Variants in SNTA1 observed in about 807,000 individuals in gnomAD.
SNTA1 encodes syntrophin alpha 1.
In SNTA1, 31 loss-of-function variants were observed where a neutral mutation model predicts 47.1. That is an observed-to-expected ratio of 0.66 (90% CI 0.49 to 0.89). The LOEUF (loss-of-function observed/expected upper bound fraction) is 0.89, where lower values mean the gene tolerates loss of function less well. Among genes scored for constraint, SNTA1 ranks in the 40% least tolerant of loss-of-function variants. SNTA1 has a pLI of 0.00. For synonymous variants in SNTA1, 300 were observed against 313.6 expected, an observed-to-expected ratio of 0.96 and a Z score of 0.46; for missense variants, 575 against 693.0, an observed-to-expected ratio of 0.83 and a Z score of 1.91.
At chr20:33,440,131 G>A (rs927637806) in intron 1 of SNTA1, among the ~76,000 whole-genome samples, 1 of 151,124 alleles carries the variant, frequency 6.6e-6, no homozygotes, top group Non-Finnish European at 1.5e-5. Flanking sequence ...GCTCAAAAAA[G>A]TAAATAAATA....
intron 2 of SNTA1, among the ~76,000 whole-genome samples, chr20:33,435,079 G>T (rs1990407439): frequency 7.7e-6 from 1 of 130,142 alleles, no homozygotes; most frequent in Non-Finnish European, 1.6e-5. Flanking sequence ...TGCAACCTCC[G>T]CCTCCCGTGT....
At chr20:33,433,552 T>A (rs1906795603) in intron 2 of SNTA1, among the ~76,000 whole-genome samples, 1 of 151,926 alleles carries the variant, frequency 6.6e-6, no homozygotes, top group South Asian at 2.1e-4. Flanking sequence ...CAGGCATGAG[T>A]CACCGCGCCC....
intron 2 of SNTA1, among the ~76,000 whole-genome samples, chr20:33,426,806 C>T (rs1409270681): frequency 6.6e-6 from 1 of 151,622 alleles, no homozygotes; most frequent in East Asian, 1.9e-4. Flanking sequence ...GTGGCTCACA[C>T]CTGTGAGCAC....
chr20:33,412,955 G>A (rs1236295903), intron 3 of SNTA1, among the ~76,000 whole-genome samples, 173 bp from the exon 4 acceptor site: 1 of 152,150 alleles, frequency 6.6e-6, no homozygotes, highest in Non-Finnish European at 1.5e-5. Flanking sequence ...GGGGCTTCAT[G>A]GGGCATAGGA....
At chr20:33,433,270 CT>C (rs921972864) in intron 2 of SNTA1, among the ~76,000 whole-genome samples, 3 of 144,554 alleles carry the variant, frequency 2.1e-5, no homozygotes, top group Non-Finnish European at 1.5e-5. Context: ...TTTCTTTTTT[CT>C]TTTTTTTTTG....
chr20:33,421,189 A>C (rs1242515166), intron 2 of SNTA1, among the ~76,000 whole-genome samples: 3 of 151,114 alleles, frequency 2.0e-5, no homozygotes, highest in African/African-American at 7.3e-5. Flanking sequence ...AAAAAAAGAG[A>C]AAGAAAGAAA....
intron 2 of SNTA1, among the ~76,000 whole-genome samples, chr20:33,427,090 AAAAT>A (rs969103811): frequency 4.0e-5 from 6 of 151,880 alleles, no homozygotes; most frequent in South Asian, 2.1e-4. Flanking sequence ...AGCCAATTTA[AAAAT>A]AAATAAATAA....
chr20:33,424,564 A>T (rs1376550494), intron 2 of SNTA1, among the ~76,000 whole-genome samples: 1 of 151,792 alleles, frequency 6.6e-6, no homozygotes, highest in East Asian at 2.0e-4. Flanking sequence ...CCCAGGCTGG[A>T]GTGCGGTGGT....
chr20:33,426,170 C>T (rs1466567397), intron 2 of SNTA1, among the ~76,000 whole-genome samples: 1 of 151,888 alleles, frequency 6.6e-6, no homozygotes. Context: ...TCAGCTGGGC[C>T]AGGCGCAGTG....
intron 2 of SNTA1, among the ~76,000 whole-genome samples, chr20:33,432,416 T>C (rs1321622152): frequency 6.6e-6 from 1 of 152,048 alleles, no homozygotes; most frequent in African/African-American, 2.4e-5. Context: ...CAACAGCAAT[T>C]GAAAAGGTGA....
chr20:33,437,565 G>A (rs1010723742), intron 2 of SNTA1, among the ~76,000 whole-genome samples: 17 of 151,598 alleles, frequency 1.1e-4, no homozygotes, highest in Admixed American at 1.3e-4. Flanking sequence ...ACCAAGGACC[G>A]AGAACCTATT....
chr20:33,426,157 G>C (rs957699236), intron 2 of SNTA1, among the ~76,000 whole-genome samples: 12 of 151,824 alleles, frequency 7.9e-5, no homozygotes, highest in African/African-American at 2.9e-4. Flanking sequence ...GGTATTAAAA[G>C]ATTCAGCTGG....
Position 33,408,376 on chromosome 20 carries a change from T to C in SNTA1, c.*131A>G. The C allele has an allele frequency of 1.4e-6, 1 of 726,490 alleles. No individual in the cohort carries two copies. The highest frequency in any genetic ancestry group is 2.0e-5 in the Admixed American group (1 of 49,864). The allele number at this position is 726,490 out of a possible 1,614,324, so 45.0% of individuals were successfully genotyped here. A position where few individuals can be genotyped will look rare whatever the true frequency, so the allele number is the denominator to read the frequency against. ...AAGACCAATCCAGTCTCCCTCAGGGTTGGGGTTTCGGAGGCCCTTGTTCCT... is the reference window on the plus strand; with the variant it reads ...AAGACCAATCCAGTCTCCCTCAGGGCTGGGGTTTCGGAGGCCCTTGTTCCT... On this transcript the variant is annotated 3_prime_UTR_variant, in exon 8 of 8. Coordinates refer to ENST00000217381, the MANE Select transcript of SNTA1 (RefSeq NM_003098.3).
chr20:33,410,795 G>C (rs2146758878), intron 5 of SNTA1, among the ~76,000 whole-genome samples: 1 of 152,298 alleles, frequency 6.6e-6, no homozygotes, highest in African/African-American at 2.4e-5. Flanking sequence ...GTTTTTGACT[G>C]TCTTTTTCAC....
intron 3 of SNTA1, among the ~76,000 whole-genome samples, chr20:33,414,410 G>A (rs1989825658): frequency 2.0e-5 from 3 of 151,744 alleles, no homozygotes; most frequent in South Asian, 4.2e-4. Context: ...CTAGCCAACA[G>A]GGCAAAACCC....
chr20:33,408,511 G>A lies in SNTA1; in HGVS notation c.1514C>T (p.Ala505Val). 6.2e-7 allele frequency: 1 copy of A among 1,612,930 alleles called. No homozygotes were observed. Among genetic ancestry groups the A allele is most frequent in the Non-Finnish European group, 8.5e-7 (1 of 1,178,894 alleles). ...GGCTAGTGCATCCGGCGACTTCTAG[G>A]CCAACAGCCCGAGGCGGGTGACTTT... is the stretch of plus-strand genomic sequence containing the variant. The part of the protein sequence containing the change: ...SAKVTRLGLL[A>V] Residue 505 changes from alanine to valine, a missense_variant, in exon 8 of 8, where the codon GCC becomes GTC. Ala to Val is a moderately conservative substitution (Grantham distance 64). Transcript: ENST00000217381.
rs757223303 is a variant in SNTA1 at position 33,439,068 on chromosome 20, C to T, written c.311-42G>A. The stretch of plus-strand genomic sequence containing the variant: ...GGAGGACAAGACTTAGGCAGATACT[C>T]CAACACTTGGGAGTCACATCAAGAC... On this transcript the variant is annotated intron_variant, in intron 1 of 7. Transcript: ENST00000217381. 3 of 1,556,470 alleles carry T rather than the reference C, an allele frequency of 1.9e-6. No individual in the cohort carries two copies. In the Admixed American group the frequency reaches 5.0e-5, roughly 26 times the overall value.
intron 5 of SNTA1, among the ~76,000 whole-genome samples, chr20:33,411,620 G>C (rs1249554144): frequency 6.6e-6 from 1 of 152,086 alleles, no homozygotes; most frequent in Non-Finnish European, 1.5e-5. Context: ...AGAGCACCTC[G>C]CTCCCCAGCT....
At chr20:33,412,011 C>T (rs188961984) in intron 5 of SNTA1, among the ~76,000 whole-genome samples, 32 of 152,346 alleles carry the variant, frequency 2.1e-4, no homozygotes, top group Admixed American at 2.0e-3. Flanking sequence ...ACAAGGTTCT[C>T]TCTGGAGGCA....
Sources: allele counts gnomAD v4.1 joint callset (sites outside exome capture counted in the v4.1 genomes callset), GRCh38; gene constraint gnomAD v4.1.1; transcripts MANE v1.5; gene names NCBI Gene and HGNC (gene_info 2026-07-23, HGNC 2026-07-21).